The following KCNN2 variants were observed in gnomAD, a reference collection of about 807,000 sequenced individuals.
KCNN2 encodes small conductance calcium-activated potassium channel protein 2.
In KCNN2, 24 loss-of-function variants were observed where a neutral mutation model predicts 55.5. The ratio of observed to expected loss-of-function variants is 0.43; its 90% CI spans 0.31 to 0.61. The LOEUF (loss-of-function observed/expected upper bound fraction) is 0.61, where lower values mean the gene tolerates loss of function less well. Ranked by LOEUF, KCNN2 falls within the 20% of genes least tolerant of loss-of-function variation. KCNN2 has a pLI of 0.08. For synonymous variants in KCNN2, 431 were observed against 336.1 expected (o/e 1.28, Z -3.09); for missense variants, 754 against 853.6 (o/e 0.88, Z 1.45).
chr5:114,421,030 G>T (rs1230835700), intron 3 of KCNN2, among the ~76,000 whole-genome samples: 1 of 152,152 alleles, frequency 6.6e-6, no homozygotes, highest in Non-Finnish European at 1.5e-5. Context: ...AAAACAAGTT[G>T]ATTTCTTGAA....
chr5:114,393,076 TGTA>T (rs1444687929), intron 2 of KCNN2, among the ~76,000 whole-genome samples: 1 of 152,106 alleles, frequency 6.6e-6, no homozygotes, highest in African/African-American at 2.4e-5. Flanking sequence ...GTTTCTCTGT[TGTA>T]GTACTTATCA....
chr5:114,317,800 C>T (rs141069336), intron 2 of KCNN2, among the ~76,000 whole-genome samples: 2 of 152,344 alleles, frequency 1.3e-5, no homozygotes, highest in African/African-American at 4.8e-5. Context: ...AGCCATTATG[C>T]TAAATTCTAC....
At chr5:114,455,651 G>C (rs1760889942) in intron 3 of KCNN2, among the ~76,000 whole-genome samples, 1 of 152,232 alleles carries the variant, frequency 6.6e-6, no homozygotes, top group Non-Finnish European at 1.5e-5. Flanking sequence ...TAAGCTGAAA[G>C]CTAGGCTTCT....
At chr5:114,303,031 G>A (rs1025964047) in intron 2 of KCNN2, among the ~76,000 whole-genome samples, 2 of 152,166 alleles carry the variant, frequency 1.3e-5, no homozygotes, top group Non-Finnish European at 2.9e-5. Context: ...TTCGATATAC[G>A]TCGATGTACT....
chr5:114,062,124 G>A (rs142079446), intron 1 of KCNN2, among the ~76,000 whole-genome samples: 1 of 149,608 alleles, frequency 6.7e-6, no homozygotes, highest in East Asian at 2.0e-4. Context: ...ATAAAATTTA[G>A]TCAAGGAAAG....
chr5:114,196,412 G>T (rs1333476919), intron 1 of KCNN2, among the ~76,000 whole-genome samples: 1 of 151,928 alleles, frequency 6.6e-6, no homozygotes, highest in African/African-American at 2.4e-5. Context: ...CTGTTTTTTG[G>T]AAGAGTTTGT....
At chr5:114,082,071 A>G (rs1158820173) in intron 1 of KCNN2, among the ~76,000 whole-genome samples, 1 of 152,164 alleles carries the variant, frequency 6.6e-6, no homozygotes, top group Non-Finnish European at 1.5e-5. Context: ...ACGTGAAAAG[A>G]TGCTCAAGGC....
intron 1 of KCNN2, among the ~76,000 whole-genome samples, chr5:114,065,593 G>C (rs1750427947): frequency 6.6e-6 from 1 of 152,152 alleles, no homozygotes; most frequent in Non-Finnish European, 1.5e-5. Context: ...TGCAATATTA[G>C]TCTTGACTGG....
chr5:114,177,263 G>C (rs572500629), intron 1 of KCNN2, among the ~76,000 whole-genome samples: 2 of 151,244 alleles, frequency 1.3e-5, no homozygotes, highest in Non-Finnish European at 2.9e-5. Flanking sequence ...TCAGCCTCCT[G>C]AGTAGCTGGG....
At chr5:114,487,385 T>C (rs1048587113) in intron 6 of KCNN2, among the ~76,000 whole-genome samples, 7 of 152,180 alleles carry the variant, frequency 4.6e-5, no homozygotes, top group African/African-American at 1.7e-4. Context: ...TTATTAGTAC[T>C]AGAATATTTA....
Position 114,312,386 on chromosome 5 carries a change from TACACAC to T in KCNN2, c.-184-48515_-184-48510del, listed in dbSNP as rs70976336. On this transcript the variant is annotated intron_variant, in intron 2 of 10. Transcript: ENST00000512097. ...TCATCCTGTGAAATAAAAAAGGAGATACACACACACACACACACACACACACACACA... is the reference window on the plus strand; with the variant it reads ...TCATCCTGTGAAATAAAAAAGGAGATACACACACACACACACACACACACA... Among the ~76,000 whole-genome samples the T allele has an allele frequency of 3.1e-3, 160 of 51,664 alleles. 2 individuals carry two copies. The highest frequency in any genetic ancestry group is 3.5e-3 in the Non-Finnish European group (93 of 26,770). The allele number at this position is 51,664 out of a possible 152,430, so 33.9% of individuals were successfully genotyped here. A position where few individuals can be genotyped will look rare whatever the true frequency, so the allele number is the denominator to read the frequency against.
At chr5:114,361,651 C>G (rs74931125), upstream of KCNN2, among the ~76,000 whole-genome samples, 1 of 151,970 alleles carries the variant, frequency 6.6e-6, no homozygotes, top group Non-Finnish European at 1.5e-5. Flanking sequence ...AGCCTGCCCC[C>G]GGCCAAGGTG....
intron 1 of KCNN2, among the ~76,000 whole-genome samples, chr5:114,172,330 T>C (rs112264909): frequency 3.9e-5 from 6 of 152,010 alleles, no homozygotes; most frequent in Non-Finnish European, 5.9e-5. Flanking sequence ...TTTTACCTTA[T>C]TTTTTGAAAT....
At chr5:114,470,589 G>A (rs1202986421) in intron 4 of KCNN2, among the ~76,000 whole-genome samples, 1 of 152,172 alleles carries the variant, frequency 6.6e-6, no homozygotes, top group African/African-American at 2.4e-5. Flanking sequence ...GGGTAGAGAT[G>A]CTTCCAAAGG....
intron 2 of KCNN2, among the ~76,000 whole-genome samples, chr5:114,343,194 T>C (rs576252568): frequency 6.6e-6 from 1 of 152,324 alleles, no homozygotes; most frequent in South Asian, 2.1e-4. Context: ...ACTGAAAGTC[T>C]GAAGGCTTGC....
At chr5:114,402,838 T>G (rs1035299438) in intron 2 of KCNN2, among the ~76,000 whole-genome samples, 11 of 152,122 alleles carry the variant, frequency 7.2e-5, no homozygotes, top group African/African-American at 2.7e-4. Context: ...CTGGACAGGA[T>G]CACCTAAAGG....
At chr5:114,357,779 T>C (rs939719037), upstream of KCNN2, among the ~76,000 whole-genome samples, 5 of 150,180 alleles carry the variant, frequency 3.3e-5, no homozygotes, top group African/African-American at 9.8e-5. Context: ...TGTGTCTTTA[T>C]AGCAGCATGA....
At chr5:114,351,796 T>C (rs1757207522) in intron 2 of KCNN2, among the ~76,000 whole-genome samples, 1 of 151,828 alleles carries the variant, frequency 6.6e-6, no homozygotes, top group African/African-American at 2.4e-5. Context: ...TGTATTCTTA[T>C]GATAATTCCA....
At chr5:114,090,562 T>TATATATATATGTATGTATATATATAC (rs1751119252) in intron 1 of KCNN2, among the ~76,000 whole-genome samples, 1 of 120,768 alleles carries the variant, frequency 8.3e-6, no homozygotes, top group Non-Finnish European at 1.9e-5. Flanking sequence ...TCTCTCTCTC[T>TATATATATATGTATGTATATATATAC]ATATATATAT....
Sources: allele counts gnomAD v4.1 joint callset (sites outside exome capture counted in the v4.1 genomes callset), GRCh38; gene constraint gnomAD v4.1.1; transcripts MANE v1.5; gene names NCBI Gene and HGNC (gene_info 2026-07-23, HGNC 2026-07-21).